The following GPR107 variants were observed in gnomAD, a reference collection of about 807,000 sequenced individuals.
GPR107 encodes the protein protein GPR107.
A neutral mutation model predicts 75.5 loss-of-function variants in GPR107; 31 were observed. That is an observed-to-expected ratio of 0.41 (90% CI 0.31 to 0.55). The LOEUF (loss-of-function observed/expected upper bound fraction) is 0.55, where lower values mean the gene tolerates loss of function less well. GPR107 is among the 20% of genes least tolerant of loss of function. The pLI is 0.26. For missense variants in GPR107, 572 were observed against 665.7 expected (o/e 0.86, Z 1.55); for synonymous variants, 267 against 251.3 (o/e 1.06, Z -0.59).
Position 130,097,698 on chromosome 9 carries a change from G to A in GPR107, c.864-1759G>A, listed in dbSNP as rs574461500. Among the ~76,000 whole-genome samples, 15 of 146,594 alleles carry A rather than the reference G, an allele frequency of 1.0e-4. No homozygotes were observed. The South Asian group carries it at 3.2e-3, about 32-fold the overall frequency. ...ACCATTTCCCCTCTTGTGGCTGCCTGTATTCTTTGGGTTTTTTTTTTTTTT... is the reference window on the plus strand; with the variant it reads ...ACCATTTCCCCTCTTGTGGCTGCCTATATTCTTTGGGTTTTTTTTTTTTTT... On this transcript the variant is annotated intron_variant, in intron 9 of 17. Transcript: ENST00000347136.
chr9:130,062,049 T>C (rs1032263622), intron 1 of GPR107, among the ~76,000 whole-genome samples: 1 of 152,176 alleles, frequency 6.6e-6, no homozygotes, highest in African/African-American at 2.4e-5. Flanking sequence ...CTTAGTTTCC[T>C]ACTTTGTAAA....
At chr9:130,067,358 G>A (rs2065623382) in intron 1 of GPR107, among the ~76,000 whole-genome samples, 1 of 152,134 alleles carries the variant, frequency 6.6e-6, no homozygotes, top group African/African-American at 2.4e-5. Context: ...TCGACTCCTC[G>A]TAGCAGCCCC....
chr9:130,083,530 A>T, intron 5 of GPR107, 35 bp from the exon 6 acceptor site: 1 of 1,421,356 alleles, frequency 7.0e-7, no homozygotes, highest in South Asian at 1.4e-5. Flanking sequence ...AAGTTGAGTC[A>T]TGCAGCACTC....
chr9:130,116,171 T>C (rs1478280647), intron 14 of GPR107, among the ~76,000 whole-genome samples: 2 of 152,214 alleles, frequency 1.3e-5, no homozygotes, highest in African/African-American at 4.8e-5. Flanking sequence ...CAGGCTTTTT[T>C]AGGCCTTTAA....
intron 9 of GPR107, among the ~76,000 whole-genome samples, chr9:130,094,606 G>C (rs1432386614): frequency 1.3e-5 from 2 of 152,060 alleles, no homozygotes; most frequent in Non-Finnish European, 2.9e-5. Context: ...GATGGAAGGA[G>C]GGAAGGTTAT....
intron 1 of GPR107, among the ~76,000 whole-genome samples, chr9:130,072,771 A>G (rs961391676): frequency 6.6e-6 from 1 of 152,268 alleles, no homozygotes; most frequent in South Asian, 2.1e-4. Context: ...TGGAAAAAAA[A>G]AACAAAACAA....
chr9:130,098,487 G>A (rs1830934476), intron 9 of GPR107, among the ~76,000 whole-genome samples: 2 of 152,262 alleles, frequency 1.3e-5, no homozygotes, highest in African/African-American at 4.8e-5. Flanking sequence ...TAGGAGTTCT[G>A]TGCTGTTTTC....
intron 1 of GPR107, among the ~76,000 whole-genome samples, chr9:130,064,909 C>T (rs1005657518): frequency 3.3e-5 from 5 of 152,104 alleles, no homozygotes; most frequent in Non-Finnish European, 7.4e-5. Flanking sequence ...AGGAAGGATT[C>T]TTCTCCAGAG....
At chr9:130,102,077 T>G (rs1831045470) in intron 12 of GPR107, among the ~76,000 whole-genome samples, 1 of 152,160 alleles carries the variant, frequency 6.6e-6, no homozygotes, top group Non-Finnish European at 1.5e-5. Flanking sequence ...TGCTCTGTGT[T>G]TCCAAGGAGA....
rs1195932032 is a variant in GPR107, at chr9:130,136,499, CAGAG to C, written c.*1381_*1384del. The C allele has an allele frequency of 1.3e-5, 2 of 152,152 alleles. No homozygotes were observed. The highest frequency in any genetic ancestry group is 2.9e-5 in the Non-Finnish European group (2 of 68,048). The allele number at this position is 152,152 out of a possible 1,614,324, so 9.4% of individuals were successfully genotyped here. ...GAGCCCACCCCTGCCTAGGGGTTGTCAGAGAGCCACACCTGCAGGGGAACAGGTA... is the reference window on the plus strand; with the variant it reads ...GAGCCCACCCCTGCCTAGGGGTTGTCAGCCACACCTGCAGGGGAACAGGTA... On this transcript the variant is annotated 3_prime_UTR_variant, in exon 18 of 18. Transcript: ENST00000347136.
chr9:130,119,101 G>C (rs1333025111), intron 14 of GPR107, among the ~76,000 whole-genome samples: 2 of 152,336 alleles, frequency 1.3e-5, no homozygotes, highest in East Asian at 3.9e-4. Flanking sequence ...TCCTAAGTCA[G>C]GGAAATCTTT....
In GPR107 at chr9:130,076,465, G is replaced by A; in HGVS notation, c.306+3G>A. ...ATGATGGCTTTTCTTCTTACCTGGT[G>A]AGTATTAAATGTGTGACCTGATTCA... On this transcript the variant is annotated splice_donor_region_variant and intron_variant, in intron 3 of 17. Transcript: ENST00000347136. The A allele has an allele frequency of 6.4e-7, 1 of 1,558,366 alleles. No homozygotes were observed. The highest frequency in any genetic ancestry group is 8.9e-7 in the Non-Finnish European group (1 of 1,129,166).
chr9:130,086,602 A>G (rs1830621300), intron 7 of GPR107, 126 bp downstream of exon 7: 1 of 673,892 alleles, frequency 1.5e-6, no homozygotes, highest in Non-Finnish European at 2.7e-6. Context: ...AGTCACTTAA[A>G]TGCAGTAGCT....
intron 1 of GPR107, among the ~76,000 whole-genome samples, chr9:130,063,167 C>T (rs1274515205): frequency 2.0e-5 from 3 of 151,996 alleles, no homozygotes; most frequent in African/African-American, 7.3e-5. Flanking sequence ...TGCTCTTTAG[C>T]ATGTGTGTAT....
At chr9:130,095,278 G>C (rs1409286956) in intron 9 of GPR107, among the ~76,000 whole-genome samples, 1 of 152,110 alleles carries the variant, frequency 6.6e-6, no homozygotes, top group African/African-American at 2.4e-5. Flanking sequence ...CCAAACATGA[G>C]GTGTTTATAA....
In GPR107 at chr9:130,124,797, C is replaced by CTT. The variant is rs938952026; in HGVS notation, c.1307-117_1307-116insTT. Reference sequence around the variant, plus strand: ...TGATTCCAGATAGATGGATGTGCCTCTGAGTGGTCCTCATCTGCATTAGAG... The same window carrying CTT: ...TGATTCCAGATAGATGGATGTGCCTCTTTGAGTGGTCCTCATCTGCATTAGAG... On this transcript the variant is annotated intron_variant, in intron 14 of 17. Transcript: ENST00000347136. 39 of 638,700 alleles carry CTT rather than the reference C, an allele frequency of 6.1e-5. 1 individual carries two copies. In the Middle Eastern group the frequency reaches 6.5e-3, roughly 106 times the overall value. 39.6% of individuals were successfully genotyped at this position (638,700 alleles called of 1,614,324 possible).
intron 3 of GPR107, among the ~76,000 whole-genome samples, chr9:130,076,830 G>A (rs773573953): frequency 9.9e-5 from 15 of 151,630 alleles, no homozygotes; most frequent in Non-Finnish European, 2.1e-4. Context: ...ATTTCTTGAG[G>A]TAGTGGCTGC....
At chr9:130,076,157 G>C (rs1270348310) in intron 2 of GPR107, among the ~76,000 whole-genome samples, 4 of 152,304 alleles carry the variant, frequency 2.6e-5, no homozygotes, top group Admixed American at 2.6e-4. Flanking sequence ...AGAATATGGA[G>C]ATAATTAAGC....
chr9:130,069,889 T>C (rs750520828), intron 1 of GPR107, among the ~76,000 whole-genome samples: 2 of 151,574 alleles, frequency 1.3e-5, no homozygotes, highest in Non-Finnish European at 2.9e-5. Flanking sequence ...TTTCATCATG[T>C]TGGCCAGGCT....
Sources: gnomAD v4.1 joint callset for allele counts (sites outside exome capture counted in the v4.1 genomes callset) on GRCh38, gnomAD v4.1.1 for gene constraint, MANE v1.5 for transcripts, NCBI Gene and HGNC (gene_info 2026-07-23, HGNC 2026-07-21) for gene names.